Variants in IL2RA observed in about 807,000 individuals in gnomAD.
The protein encoded by IL2RA is interleukin 2 receptor subunit alpha, also known as interleukin-2 receptor subunit alpha.
IL2RA carries 24 observed loss-of-function variants against 37.8 expected under a neutral mutation model. The ratio of observed to expected loss-of-function variants is 0.63; its 90% CI spans 0.46 to 0.89. IL2RA has a LOEUF of 0.89. Among genes scored for constraint, IL2RA ranks in the 40% least tolerant of loss-of-function variants. The pLI is 0.00. For missense variants in IL2RA, 319 were observed against 348.6 expected (o/e 0.92, Z 0.68); for synonymous variants, 125 against 114.6 (o/e 1.09, Z -0.58).
At chr10:6,013,338 C>T (rs1401080944) in intron 7 of IL2RA, among the ~76,000 whole-genome samples, 8 of 152,172 alleles carry the variant, frequency 5.3e-5, no homozygotes, top group East Asian at 3.8e-4. Context: ...CTAGTGCAAC[C>T]GAGGAACTGA....
At chr10:6,039,776 C>A (rs1839742453) in intron 1 of IL2RA, 2 of 152,214 alleles carry the variant, frequency 1.3e-5, no homozygotes, top group African/African-American at 4.8e-5. Context: ...TCCTCCCAAT[C>A]ATGTAACCAT....
In IL2RA at chr10:6,045,328, T is replaced by C. The variant is rs185161348; in HGVS notation, c.64+16760A>G. Among the ~76,000 whole-genome samples the C allele has an allele frequency of 2.2e-4, 33 of 152,036 alleles. No individual in the cohort carries two copies. The East Asian group carries it at 4.6e-3, about 21-fold the overall frequency. ...GTTAAACAACAACGAAATGATGGGG[T>C]GGTGGGGTGGAGGGATCTAGTTATT... On this transcript the variant is annotated intron_variant, in intron 1 of 7. Transcript: ENST00000379959.
In IL2RA at chr10:6,047,143, C is replaced by T. The variant is rs757038820; in HGVS notation, c.64+14945G>A. The stretch of plus-strand genomic sequence containing the variant: ...CAAATCCCTGCATGCCCTGCGCATG[C>T]CCTAACCCTGAGGAGGTGCTGAACC... On this transcript the variant is annotated intron_variant, in intron 1 of 7. Transcript: ENST00000379959. This position sits in a 1 kb window ranked among gnomAD's most constrained non-coding sequence, Gnocchi z 5.0. 1.3e-5 allele frequency among the ~76,000 whole-genome samples: 2 copies of T among 152,184 alleles called. No individual in the cohort carries two copies. Among genetic ancestry groups the T allele is most frequent in the African/African-American group, 4.8e-5 (2 of 41,462 alleles).
intron 1 of IL2RA, among the ~76,000 whole-genome samples, chr10:6,053,654 A>C (rs1395461074): frequency 6.6e-6 from 1 of 152,164 alleles, no homozygotes; most frequent in Non-Finnish European, 1.5e-5. Context: ...TCCTTATTTA[A>C]AATTAATTAT....
rs1440373700 is a variant in IL2RA at position 6,033,555 on chromosome 10, G to C, written c.65-7530C>G. 6.6e-6 allele frequency among the ~76,000 whole-genome samples: 1 copy of C among 151,926 alleles called. No individual in the cohort carries two copies. The highest frequency in any genetic ancestry group is 1.5e-5 in the Non-Finnish European group (1 of 67,974). On this transcript the variant is annotated intron_variant, in intron 1 of 7. Coordinates refer to ENST00000379959, the MANE Select transcript of IL2RA (RefSeq NM_000417.3). The surrounding 1 kb of genome is among the most constrained non-coding windows in gnomAD (Gnocchi z 4.3). ...CTCAATAATTCAAACATCCATCATT[G>C]GGAGAACAGACAAGTAGCTTATGAT...
chr10:6,050,954 C>A (rs767943706), intron 1 of IL2RA, among the ~76,000 whole-genome samples: 7 of 152,088 alleles, frequency 4.6e-5, no homozygotes, highest in Non-Finnish European at 1.0e-4. Flanking sequence ...AACCAGGGAT[C>A]AACATCTCCA....
At chr10:6,027,435 G>C (rs917243348) in intron 1 of IL2RA, among the ~76,000 whole-genome samples, 1 of 152,116 alleles carries the variant, frequency 6.6e-6, no homozygotes, top group African/African-American at 2.4e-5. Flanking sequence ...AAATTACAGT[G>C]GAACAGGCAA....
At chr10:6,037,657 A>G (rs1385785933) in intron 1 of IL2RA, among the ~76,000 whole-genome samples, 1 of 152,208 alleles carries the variant, frequency 6.6e-6, no homozygotes, top group East Asian at 1.9e-4. Flanking sequence ...CTGTGTCAGA[A>G]TCAGATAGAT....
intron 1 of IL2RA, among the ~76,000 whole-genome samples, chr10:6,049,318 T>A (rs12251836): frequency 0.29 from 43,776 of 152,110 alleles, 7,440 homozygotes; most frequent in Middle Eastern, 0.49. Context: ...TGGTCCTCTA[T>A]GGTTGGATGA....
intron 1 of IL2RA, among the ~76,000 whole-genome samples, chr10:6,060,209 A>G (rs370732086): frequency 6.6e-6 from 1 of 152,214 alleles, no homozygotes; most frequent in South Asian, 2.1e-4. Flanking sequence ...AAACCTTCCT[A>G]AAAGTATGCC....
chr10:6,020,006 C>T lies in IL2RA; in HGVS notation c.584-65G>A, dbSNP rs1355789105. On this transcript the variant is annotated intron_variant, in intron 4 of 7. Transcript: ENST00000379959. This position sits in a 1 kb window ranked among gnomAD's most constrained non-coding sequence, Gnocchi z 5.6. The stretch of plus-strand genomic sequence containing the variant: ...AGGAGTCAGGGCCTCACTCCCACCC[C>T]GCCTGCCCCAGGCAGCCGGCCCCAG... 40 of 1,415,048 alleles carry T rather than the reference C, an allele frequency of 2.8e-5. No homozygotes were observed. Among genetic ancestry groups the T allele is most frequent in the Non-Finnish European group, 3.5e-5 (35 of 999,774 alleles). 87.7% of individuals were successfully genotyped at this position (1,415,048 alleles called of 1,614,324 possible).
At position 6,033,251 on chromosome 10, in the gene IL2RA, A is replaced by C. The variant is rs1291876159; in HGVS notation, c.65-7226T>G. On this transcript the variant is annotated intron_variant, in intron 1 of 7. Coordinates refer to ENST00000379959, the MANE Select transcript of IL2RA (RefSeq NM_000417.3). This position sits in a 1 kb window ranked among gnomAD's most constrained non-coding sequence, Gnocchi z 4.3. ...GGTTGCAGTGAGCTGAGATCACGCC[A>C]CTGCCCTCCAGCCTGGGCAACAGAG... Among the ~76,000 whole-genome samples the C allele has an allele frequency of 6.6e-6, 1 of 152,160 alleles. No homozygotes were observed. Among genetic ancestry groups the C allele is most frequent in the Non-Finnish European group, 1.5e-5 (1 of 68,036 alleles).
intron 7 of IL2RA, 87 bp downstream of exon 7, chr10:6,017,966 G>T: frequency 9.3e-6 from 9 of 968,136 alleles, no homozygotes; most frequent in Non-Finnish European, 1.5e-5. Context: ...ATTAGAGAGA[G>T]CATGGAGGGG....
At chr10:6,050,858 G>A (rs1043345940) in intron 1 of IL2RA, among the ~76,000 whole-genome samples, 1 of 152,174 alleles carries the variant, frequency 6.6e-6, no homozygotes, top group Non-Finnish European at 1.5e-5. Context: ...CGGGGCCAGA[G>A]AAGCAGAGCT....
chr10:6,037,395 A>G (rs1352740241), intron 1 of IL2RA, among the ~76,000 whole-genome samples: 1 of 152,204 alleles, frequency 6.6e-6, no homozygotes, highest in Non-Finnish European at 1.5e-5. Flanking sequence ...CCCTTGGGTG[A>G]ATCCAGGTGA....
intron 1 of IL2RA, among the ~76,000 whole-genome samples, chr10:6,052,215 C>T (rs12722634): frequency 0.01 from 1,562 of 152,208 alleles, 32 homozygotes; most frequent in African/African-American, 0.035. Context: ...GACAAAACAA[C>T]GCTCTCTGCT....
In IL2RA at chr10:6,012,715, CGTGTCCT is replaced by C; in HGVS notation, c.*150_*156del. On this transcript the variant is annotated 3_prime_UTR_variant, in exon 8 of 8. Transcript: ENST00000379959. The surrounding 1 kb of genome is among the most constrained non-coding windows in gnomAD (Gnocchi z 4.8). ...CATAGAGACAAGGTTGCCACTGCCC[CGTGTCCT>C]GTGATGTGACTTCAGAGCTTCCAAA... 1.3e-6 allele frequency: 1 copy of C among 764,748 alleles called. No homozygotes were observed. The highest frequency in any genetic ancestry group is 1.5e-5 in the South Asian group (1 of 68,004). 47.4% of individuals were successfully genotyped at this position (764,748 alleles called of 1,614,324 possible).
intron 2 of IL2RA, among the ~76,000 whole-genome samples, chr10:6,024,698 C>T (rs994810236): frequency 1.3e-5 from 2 of 152,312 alleles, no homozygotes; most frequent in South Asian, 2.1e-4. Context: ...CCAAAAGGGA[C>T]TCCTTGCTTG....
chr10:6,041,767 A>G (rs1468031427), intron 1 of IL2RA, among the ~76,000 whole-genome samples: 1 of 152,196 alleles, frequency 6.6e-6, no homozygotes, highest in Non-Finnish European at 1.5e-5. Context: ...TGGAAAACAC[A>G]TTATATGCAG....
Sources: allele counts gnomAD v4.1 joint callset (sites outside exome capture counted in the v4.1 genomes callset), GRCh38; gene constraint gnomAD v4.1.1; non-coding constraint Gnocchi (gnomAD v3.1); transcripts MANE v1.5; gene names NCBI Gene and HGNC (gene_info 2026-07-23, HGNC 2026-07-21).